CAV1: variants seen among roughly 807,000 people sequenced by gnomAD.
The protein encoded by CAV1 is caveolin 1.
CAV1 carries 10 observed loss-of-function variants against 16.5 expected under a neutral mutation model. The observed-to-expected ratio is 0.61, with a 90% CI of 0.37 to 1.03. The LOEUF (loss-of-function observed/expected upper bound fraction) is 1.03. Among genes scored for constraint, CAV1 ranks in the 50% least tolerant of loss-of-function variants. The pLI is 0.01. For missense variants in CAV1, 212 were observed against 232.8 expected (o/e 0.91, Z 0.58); for synonymous variants, 76 against 85.1 (o/e 0.89, Z 0.59).
intron 2 of CAV1, among the ~76,000 whole-genome samples, chr7:116,557,177 A>T (rs995789003): frequency 6.6e-6 from 1 of 152,244 alleles, no homozygotes; most frequent in Admixed American, 6.5e-5. Flanking sequence ...GCTCACTTAC[A>T]TAATTGTGGC....
At chr7:116,535,304 C>A (rs188819182) in intron 2 of CAV1, among the ~76,000 whole-genome samples, 1 of 152,192 alleles carries the variant, frequency 6.6e-6, no homozygotes. Context: ...GCATGTCAGG[C>A]CTTTCCCTGA....
intron 2 of CAV1, among the ~76,000 whole-genome samples, chr7:116,535,393 A>C (rs1414398016): frequency 6.6e-6 from 1 of 152,210 alleles, no homozygotes; most frequent in Non-Finnish European, 1.5e-5. Context: ...AGGATCCCTT[A>C]TGTTCCAATC....
chr7:116,534,500 C>T (rs534839360), intron 2 of CAV1, among the ~76,000 whole-genome samples: 4 of 145,048 alleles, frequency 2.8e-5, no homozygotes, highest in Non-Finnish European at 4.5e-5. Flanking sequence ...CCCGGGTTCA[C>T]GCCATTCTCC....
chr7:116,536,365 T>C (rs764051382), intron 2 of CAV1, among the ~76,000 whole-genome samples: 1 of 152,194 alleles, frequency 6.6e-6, no homozygotes, highest in African/African-American at 2.4e-5. Flanking sequence ...TTATAACCCT[T>C]GTCTCTGAAG....
chr7:116,538,160 C>A lies in CAV1; in HGVS notation c.195+11471C>A, dbSNP rs145525583. 4.8e-3 allele frequency among the ~76,000 whole-genome samples: 735 copies of A among 152,262 alleles called. 2 individuals are homozygous for A. The highest frequency in any genetic ancestry group is 0.01 in the African/African-American group (427 of 41,554). On this transcript the variant is annotated intron_variant, in intron 2 of 2. Coordinates refer to ENST00000341049, the MANE Select transcript of CAV1 (RefSeq NM_001753.5). Reference sequence around the variant, plus strand: ...CAATTTCTACAGACATTTGTGGGACCACACCAGTACATTGTAAAAGCAGGA... The same window carrying A: ...CAATTTCTACAGACATTTGTGGGACAACACCAGTACATTGTAAAAGCAGGA...
chr7:116,537,266 G>A (rs562603822), intron 2 of CAV1, among the ~76,000 whole-genome samples: 1 of 152,082 alleles, frequency 6.6e-6, no homozygotes, highest in East Asian at 1.9e-4. Context: ...TGCATCCTGC[G>A]CTTGTCAGAA....
At chr7:116,537,060 G>A (rs1562831237) in intron 2 of CAV1, among the ~76,000 whole-genome samples, 1 of 146,028 alleles carries the variant, frequency 6.8e-6, no homozygotes, top group Non-Finnish European at 1.5e-5. Context: ...CATGTCTCTT[G>A]TTGGTCATTA....
chr7:116,528,837 A>C (rs896386824), intron 2 of CAV1, among the ~76,000 whole-genome samples: 2 of 151,616 alleles, frequency 1.3e-5, no homozygotes, highest in Non-Finnish European at 2.9e-5. Context: ...TTATTTATTT[A>C]TTTATTTTTT....
At chr7:116,555,444 A>C (rs965457717) in intron 2 of CAV1, among the ~76,000 whole-genome samples, 1 of 61,356 alleles carries the variant, frequency 1.6e-5, no homozygotes, top group Non-Finnish European at 3.1e-5. Flanking sequence ...GTCTCCAAAA[A>C]AAGAAAGGAA....
intron 2 of CAV1, among the ~76,000 whole-genome samples, chr7:116,554,348 T>A (rs1246406343): frequency 6.6e-6 from 1 of 152,176 alleles, no homozygotes; most frequent in African/African-American, 2.4e-5. Context: ...AAAGGACATT[T>A]CTCATAAACT....
intron 2 of CAV1, among the ~76,000 whole-genome samples, chr7:116,530,113 C>T (rs544179311): frequency 7.9e-5 from 12 of 151,320 alleles, no homozygotes; most frequent in East Asian, 3.9e-4. Flanking sequence ...GTTAGTGAGA[C>T]GACATGCACA....
At chr7:116,541,013 G>A (rs1430666056) in intron 2 of CAV1, among the ~76,000 whole-genome samples, 2 of 152,148 alleles carry the variant, frequency 1.3e-5, no homozygotes, top group Admixed American at 6.5e-5. Context: ...ACCTCCTTGA[G>A]TAAGTGGGGA....
chr7:116,553,664 T>C (rs1249213507), intron 2 of CAV1, among the ~76,000 whole-genome samples: 1 of 152,104 alleles, frequency 6.6e-6, no homozygotes, highest in Non-Finnish European at 1.5e-5. Context: ...TTTTAATTCT[T>C]GTTCTGCTCA....
intron 2 of CAV1, among the ~76,000 whole-genome samples, chr7:116,553,317 C>T (rs540682075): frequency 2.2e-4 from 34 of 151,946 alleles, no homozygotes; most frequent in African/African-American, 7.2e-4. Flanking sequence ...CTTTTCTTGA[C>T]GTCTGCTGCT....
intron 2 of CAV1, among the ~76,000 whole-genome samples, chr7:116,533,396 A>G (rs1466263600): frequency 4.6e-5 from 7 of 150,782 alleles, no homozygotes; most frequent in Non-Finnish European, 7.4e-5. Flanking sequence ...ATAAAATAAA[A>G]TAAAATAAAA....
At chr7:116,554,795 T>C (rs1281824714) in intron 2 of CAV1, among the ~76,000 whole-genome samples, 1 of 152,168 alleles carries the variant, frequency 6.6e-6, no homozygotes, top group African/African-American at 2.4e-5. Flanking sequence ...GAGTAATTCT[T>C]TGAATCATCA....
chr7:116,526,348 C>T, intron 1 of CAV1, 177 bp from the exon 2 acceptor site: 1 of 1,482,216 alleles, frequency 6.7e-7, no homozygotes, highest in East Asian at 2.5e-5. Context: ...GCTGGCTACG[C>T]GCAGGCGGTT....
chr7:116,528,690 A>G (rs1358355710), intron 2 of CAV1, among the ~76,000 whole-genome samples: 1 of 152,208 alleles, frequency 6.6e-6, no homozygotes, highest in Non-Finnish European at 1.5e-5. Context: ...TATTTTATAA[A>G]TATGTATCCT....
intron 2 of CAV1, among the ~76,000 whole-genome samples, chr7:116,530,554 G>A (rs1428044045): frequency 6.6e-6 from 1 of 152,162 alleles, no homozygotes; most frequent in African/African-American, 2.4e-5. Context: ...TGGTTTAATG[G>A]AGAATGGTAT....
Sources: gnomAD v4.1 joint callset for allele counts (sites outside exome capture counted in the v4.1 genomes callset) on GRCh38, gnomAD v4.1.1 for gene constraint, MANE v1.5 for transcripts, NCBI Gene and HGNC (gene_info 2026-07-23, HGNC 2026-07-21) for gene names.